The following ASPHD2 variants were observed in gnomAD, a reference collection of about 807,000 sequenced individuals.
The protein encoded by ASPHD2 is aspartate beta-hydroxylase domain-containing protein 2.
A neutral mutation model predicts 34.6 loss-of-function variants in ASPHD2; 12 were observed. That is an observed-to-expected ratio of 0.35 (90% CI 0.22 to 0.56). The LOEUF (loss-of-function observed/expected upper bound fraction) is 0.56. Ranked by LOEUF, ASPHD2 falls within the 20% of genes least tolerant of loss-of-function variation. ASPHD2 has a pLI of 0.87. For missense variants in ASPHD2, 375 were observed against 505.0 expected (o/e 0.74, Z 2.47); for synonymous variants, 224 against 212.2 (o/e 1.06, Z -0.48).
At chr22:26,438,354 T>C (rs2084805673) in intron 2 of ASPHD2, among the ~76,000 whole-genome samples, 1 of 152,018 alleles carries the variant, frequency 6.6e-6, no homozygotes, top group Non-Finnish European at 1.5e-5. Flanking sequence ...TAATGAAATG[T>C]ACTATTGAGA....
At position 26,444,934 on chromosome 22, in the gene ASPHD2, C is replaced by T. The variant is rs940838903; in HGVS notation, c.*1728C>T. 5 of 152,172 alleles carry T rather than the reference C, an allele frequency of 3.3e-5. No homozygotes were observed. The highest frequency in any genetic ancestry group is 1.2e-4 in the African/African-American group (5 of 41,430). 9.4% of individuals were successfully genotyped at this position (152,172 alleles called of 1,614,324 possible). On this transcript the variant is annotated 3_prime_UTR_variant, in exon 4 of 4. Transcript: ENST00000215906. ...GCTCTGCGTTTACAAAACCAACAGCCCGCGCAGGTACCTAGCTACCTGCAT... is the reference window on the plus strand; with the variant it reads ...GCTCTGCGTTTACAAAACCAACAGCTCGCGCAGGTACCTAGCTACCTGCAT...
intron 2 of ASPHD2, among the ~76,000 whole-genome samples, chr22:26,438,824 G>A (rs1226562132): frequency 6.6e-6 from 1 of 152,050 alleles, no homozygotes; most frequent in Non-Finnish European, 1.5e-5. Context: ...GGAGTCCGAT[G>A]TTTGAGGGCA....
In ASPHD2 at chr22:26,433,590, G is replaced by A. The variant is rs374307310; in HGVS notation, c.-26G>A. On this transcript the variant is annotated 5_prime_UTR_variant, in exon 2 of 4. Coordinates refer to ENST00000215906, the MANE Select transcript of ASPHD2 (RefSeq NM_020437.5). This position sits in a 1 kb window ranked among gnomAD's most constrained non-coding sequence, Gnocchi z 5.1. ...AGCCATGCCTCCCCCTGCCCCAGCC[G>A]CTCCTTCCCCCCCACGCTAATCTGC... 7.6e-6 allele frequency: 12 copies of A among 1,580,068 alleles called. No individual in the cohort carries two copies. The highest frequency in any genetic ancestry group is 3.7e-5 in the Admixed American group (2 of 53,484).
At chr22:26,434,926 T>C (rs1208346086) in intron 2 of ASPHD2, among the ~76,000 whole-genome samples, 1 of 152,214 alleles carries the variant, frequency 6.6e-6, no homozygotes, top group Non-Finnish European at 1.5e-5. Context: ...AAAGACTTGT[T>C]AAAATGATTA....
At chr22:26,437,600 T>C (rs2084800273) in intron 2 of ASPHD2, among the ~76,000 whole-genome samples, 2 of 152,168 alleles carry the variant, frequency 1.3e-5, no homozygotes, top group African/African-American at 4.8e-5. Flanking sequence ...AGATACTTCA[T>C]GAAAATGCAT....
chr22:26,436,436 G>A (rs2084792742), intron 2 of ASPHD2, among the ~76,000 whole-genome samples: 1 of 152,230 alleles, frequency 6.6e-6, no homozygotes. Flanking sequence ...CCCTGGGGAG[G>A]TGGGTCTGAC....
chr22:26,434,915 C>T (rs1232974911), intron 2 of ASPHD2, among the ~76,000 whole-genome samples: 1 of 152,112 alleles, frequency 6.6e-6, no homozygotes, highest in Admixed American at 6.6e-5. Flanking sequence ...GTTCTAGAGC[C>T]AAAGACTTGT....
At chr22:26,432,183 GAAA>G (rs2084760952) in intron 1 of ASPHD2, among the ~76,000 whole-genome samples, 1 of 152,212 alleles carries the variant, frequency 6.6e-6, no homozygotes, top group East Asian at 1.9e-4. Context: ...CGATAAGAGT[GAAA>G]CTCCGTCTCA....
At chr22:26,436,150 T>C (rs2084791143) in intron 2 of ASPHD2, among the ~76,000 whole-genome samples, 1 of 152,186 alleles carries the variant, frequency 6.6e-6, no homozygotes, top group Admixed American at 6.5e-5. Context: ...AGCAAACAGA[T>C]CTGGACTCAG....
At chr22:26,438,042 G>A (rs551578977) in intron 2 of ASPHD2, among the ~76,000 whole-genome samples, 1 of 152,302 alleles carries the variant, frequency 6.6e-6, no homozygotes, top group East Asian at 1.9e-4. Flanking sequence ...AGAAGCAGGG[G>A]GGTGTCAAGC....
chr22:26,436,842 ATGTGTGTGTGTG>A (rs4049320), intron 2 of ASPHD2, among the ~76,000 whole-genome samples: 1 of 148,784 alleles, frequency 6.7e-6, no homozygotes, highest in Non-Finnish European at 1.5e-5. Context: ...ATATGCATGC[ATGTGTGTGTGTG>A]TGTGTGTGTG....
chr22:26,434,520 G>A lies in ASPHD2; in HGVS notation c.886+19G>A. ...CATTTAGGTATGTTGCAAGGACAGGGGTCTCCCGGCATGCACATTTGCAAG... is the reference window on the plus strand; with the variant it reads ...CATTTAGGTATGTTGCAAGGACAGGAGTCTCCCGGCATGCACATTTGCAAG... On this transcript the variant is annotated intron_variant, in intron 2 of 3. Transcript: ENST00000215906. 1 of 1,549,082 alleles carries A rather than the reference G, an allele frequency of 6.5e-7. No individual in the cohort carries two copies. The highest frequency in any genetic ancestry group is 8.7e-7 in the Non-Finnish European group (1 of 1,145,716).
At chr22:26,432,016 A>G (rs2084759650) in intron 1 of ASPHD2, among the ~76,000 whole-genome samples, 1 of 152,166 alleles carries the variant, frequency 6.6e-6, no homozygotes, top group African/African-American at 2.4e-5. Flanking sequence ...ACCAACATGG[A>G]AAAACCCCAT....
rs2084899120 is a variant in ASPHD2 at position 26,444,788 on chromosome 22, A to G, written c.*1582A>G. The G allele has an allele frequency of 6.6e-6, 1 of 152,152 alleles. No individual in the cohort carries two copies. The highest frequency in any genetic ancestry group is 2.1e-4 in the South Asian group (1 of 4,830). The allele number at this position is 152,152 out of a possible 1,614,324, so 9.4% of individuals were successfully genotyped here. A position where few individuals can be genotyped will look rare whatever the true frequency, so the allele number is the denominator to read the frequency against. On this transcript the variant is annotated 3_prime_UTR_variant, in exon 4 of 4. Transcript: ENST00000215906. ...ATTTGAGTAAAATGTCTACACAGATATTTGTCAGTGATGAGAATGCAGGAA... is the reference window on the plus strand; with the variant it reads ...ATTTGAGTAAAATGTCTACACAGATGTTTGTCAGTGATGAGAATGCAGGAA...
At chr22:26,440,621 C>G (rs1236565100) in intron 2 of ASPHD2, among the ~76,000 whole-genome samples, 1 of 152,150 alleles carries the variant, frequency 6.6e-6, no homozygotes, top group Non-Finnish European at 1.5e-5. Context: ...CAGGTGTGAG[C>G]CACTGTGCCC....
chr22:26,440,833 A>T (rs779175335), intron 2 of ASPHD2, among the ~76,000 whole-genome samples: 3 of 152,238 alleles, frequency 2.0e-5, no homozygotes, highest in Non-Finnish European at 4.4e-5. Flanking sequence ...CAACTGAGAT[A>T]GTCCTAGAGG....
chr22:26,435,757 AAAG>A (rs1481351989), intron 2 of ASPHD2, among the ~76,000 whole-genome samples: 2 of 105,532 alleles, frequency 1.9e-5, no homozygotes, highest in Admixed American at 9.1e-5. Flanking sequence ...AAAGAAAAGA[AAAG>A]AAAAATATAA....
chr22:26,442,669 C>T, intron 3 of ASPHD2, 97 bp downstream of exon 3: 1 of 906,888 alleles, frequency 1.1e-6, no homozygotes, highest in Non-Finnish European at 1.7e-6. Flanking sequence ...GCAGAAAGTA[C>T]CAAGGAGGCC....
rs1439685270 is a variant in ASPHD2, at chr22:26,438,522, T to TACAC, written c.887-3936_887-3935insCACA. On this transcript the variant is annotated intron_variant, in intron 2 of 3. Coordinates refer to ENST00000215906, the MANE Select transcript of ASPHD2 (RefSeq NM_020437.5). ...ACATACATATATATACATACATATA[T>TACAC]ATACATACATATATACACATACATA... Among the ~76,000 whole-genome samples, 8 of 145,660 alleles carry TACAC rather than the reference T, an allele frequency of 5.5e-5. 1 individual carries two copies. Among genetic ancestry groups the TACAC allele is most frequent in the Non-Finnish European group, 7.5e-5 (5 of 66,806 alleles).
Sources: allele counts gnomAD v4.1 joint callset (sites outside exome capture counted in the v4.1 genomes callset), GRCh38; gene constraint gnomAD v4.1.1; non-coding constraint Gnocchi (gnomAD v3.1); transcripts MANE v1.5; gene names NCBI Gene and HGNC (gene_info 2026-07-23, HGNC 2026-07-21).